The following EIF4A2 variants were observed in gnomAD, a reference collection of about 807,000 sequenced individuals.
The protein encoded by EIF4A2 is eukaryotic initiation factor 4A-II.
In EIF4A2, 9 loss-of-function variants were observed where a neutral mutation model predicts 50.6. That is an observed-to-expected ratio of 0.18 (90% confidence interval 0.11 to 0.31). The LOEUF is 0.31. Among genes scored for constraint, EIF4A2 ranks in the 10% least tolerant of loss-of-function variants. The pLI is 1.00. For synonymous variants in EIF4A2, 215 were observed against 164.4 expected (o/e 1.31, Z -2.35); for missense variants, 182 against 501.8 (o/e 0.36, Z 6.09).
chr3:186,787,998 G>C lies in EIF4A2; in HGVS notation c.1079+116G>C, dbSNP rs113874571. On this transcript the variant is annotated intron_variant, in intron 10 of 10. Coordinates refer to ENST00000323963, the MANE Select transcript of EIF4A2 (RefSeq NM_001967.4). ...GATTCAGTAAAGTCAGTAGTGTTCA[G>C]TAAGATGATGTAATTAAATTTGTAC... 1.1e-3 allele frequency: 1,194 copies of C among 1,073,762 alleles called. 9 individuals are homozygous for C. In the African/African-American group the frequency reaches 0.016, roughly 15 times the overall value. The allele number at this position is 1,073,762 out of a possible 1,614,324, so 66.5% of individuals were successfully genotyped here.
chr3:186,788,813 T>C (rs879652734), intron 10 of EIF4A2: 1 of 293,920 alleles, frequency 3.4e-6, no homozygotes, highest in Non-Finnish European at 6.4e-6. Context: ...CACCTGCTCT[T>C]GGCTGGCCCA....
rs370219211 is a variant in EIF4A2 at position 186,783,599 on chromosome 3, G to A, written c.-12G>A. The A allele has an allele frequency of 2.5e-5, 40 of 1,614,054 alleles. No individual in the cohort carries two copies. Among genetic ancestry groups the A allele is most frequent in the African/African-American group, 1.9e-4 (14 of 74,914 alleles). On this transcript the variant is annotated 5_prime_UTR_variant, in exon 1 of 11. Transcript: ENST00000323963. ...TGTCTTTTCAGTCGGGCGCTGAGTGGTTTTTCGGATCATGTCTGGTGGCTC... is the reference window on the plus strand; with the variant it reads ...TGTCTTTTCAGTCGGGCGCTGAGTGATTTTTCGGATCATGTCTGGTGGCTC...
At chr3:186,788,282 G>A (rs769940523) in intron 10 of EIF4A2, 593 of 1,289,902 alleles carry the variant, frequency 4.6e-4, no homozygotes, top group Non-Finnish European at 5.8e-4. Context: ...GTTATATGAT[G>A]TAAAAAAAGA....
chr3:186,788,552 C>T, intron 10 of EIF4A2: 1 of 662,160 alleles, frequency 1.5e-6, no homozygotes, highest in Non-Finnish European at 2.1e-6. Context: ...TGGTTTCTAA[C>T]ATGCAGGTAG....
chr3:186,784,918 C>G (rs565320884), intron 3 of EIF4A2, 44 bp from the exon 4 acceptor site: 4 of 1,613,758 alleles, frequency 2.5e-6, no homozygotes, highest in Non-Finnish European at 2.5e-6. Context: ...GTAGAAGTGA[C>G]AATTTGATGT....
intron 7 of EIF4A2, 167 bp downstream of exon 7, chr3:186,786,812 A>G (rs200165234): frequency 3.0e-5 from 29 of 961,234 alleles, no homozygotes; most frequent in Non-Finnish European, 1.5e-5. Context: ...CCTCTTTCTT[A>G]ATGTCCAATG....
chr3:186,784,089 G>A (rs1431939015), intron 1 of EIF4A2: 3 of 471,488 alleles, frequency 6.4e-6, no homozygotes, highest in Admixed American at 3.7e-5. Flanking sequence ...CAGGACCGGT[G>A]CCGGTGAACC....
intron 3 of EIF4A2, 61 bp from the exon 4 acceptor site, chr3:186,784,901 G>T: frequency 6.2e-7 from 1 of 1,613,252 alleles, no homozygotes; most frequent in Non-Finnish European, 8.5e-7. Flanking sequence ...GGAATACATG[G>T]TGTGAAGTAG....
chr3:186,784,243 G>A (rs1012300312), intron 1 of EIF4A2, 189 bp from the exon 2 acceptor site: 10 of 789,606 alleles, frequency 1.3e-5, no homozygotes, highest in East Asian at 5.4e-5. Flanking sequence ...CTGGGGGGCT[G>A]CCTTTCCGGG....
In EIF4A2 at chr3:186,787,786, A is replaced by G. The variant is rs1183841349; in HGVS notation, c.1000-17A>G. On this transcript the variant is annotated splice_polypyrimidine_tract_variant and intron_variant, in intron 9 of 10. Transcript: ENST00000323963. Reference sequence around the variant, plus strand: ...GTTTTTTTGAATCAATTTTTAAAACATGCCATTGTGTTTCAGGCTCGCGGG... The same window carrying G: ...GTTTTTTTGAATCAATTTTTAAAACGTGCCATTGTGTTTCAGGCTCGCGGG... 1.2e-6 allele frequency: 2 copies of G among 1,613,906 alleles called. No individual in the cohort carries two copies. Among genetic ancestry groups the G allele is most frequent in the Middle Eastern group, 1.6e-4 (1 of 6,084 alleles).
Position 186,787,909 on chromosome 3 carries a change from T to C in EIF4A2, c.1079+27T>C, listed in dbSNP as rs757669356. The C allele has an allele frequency of 3.7e-6, 6 of 1,608,830 alleles. No individual in the cohort carries two copies. In the Admixed American group the frequency reaches 6.8e-5, roughly 18 times the overall value. ...TGAGAAGCCAGCATCTTGGCTGTAT[T>C]GAAAAAAATTCATACGTTTTTCTAC... On this transcript the variant is annotated intron_variant, in intron 10 of 10. Coordinates refer to ENST00000323963, the MANE Select transcript of EIF4A2 (RefSeq NM_001967.4).
intron 10 of EIF4A2, chr3:186,788,240 G>T (rs1244836099): frequency 5.7e-6 from 7 of 1,236,076 alleles, no homozygotes; most frequent in Non-Finnish European, 6.4e-6. Context: ...AGTTATAGTG[G>T]CTTTATCCCT....
At chr3:186,786,747 C>G in intron 7 of EIF4A2, 102 bp downstream of exon 7, 1 of 1,469,306 alleles carries the variant, frequency 6.8e-7, no homozygotes, top group Non-Finnish European at 9.5e-7. Context: ...ATAATGCTAG[C>G]AGAGTACACA....
intron 7 of EIF4A2, 38 bp from the exon 8 acceptor site, chr3:186,787,089 A>C (rs1721773975): frequency 1.2e-6 from 2 of 1,610,294 alleles, no homozygotes; most frequent in Non-Finnish European, 1.7e-6. Flanking sequence ...AGTTGGAAAA[A>C]CTAAATGACT....
chr3:186,789,121 A>G lies in EIF4A2; in HGVS notation c.1080-4A>G. ...GTAACGTTCTGATTCTTTTTCTTAC[A>G]CAGAATTGGCAGAGGGGGTCGATTT... On this transcript the variant is annotated splice_region_variant and splice_polypyrimidine_tract_variant and intron_variant, in intron 10 of 10. Transcript: ENST00000323963. 1 of 1,611,688 alleles carries G rather than the reference A, an allele frequency of 6.2e-7. No individual in the cohort carries two copies. The highest frequency in any genetic ancestry group is 1.1e-5 in the South Asian group (1 of 90,810).
chr3:186,788,526 G>A (rs1281874957), intron 10 of EIF4A2: 2 of 965,792 alleles, frequency 2.1e-6, no homozygotes, highest in Non-Finnish European at 2.7e-6. Flanking sequence ...TTTCTTATTA[G>A]GTGGTTTGTA....
chr3:186,789,016 C>G (rs1041538008), intron 10 of EIF4A2, 109 bp from the exon 11 acceptor site: 2 of 1,462,322 alleles, frequency 1.4e-6, no homozygotes, highest in Admixed American at 4.7e-5. Flanking sequence ...GAAGCACGAA[C>G]TATAACCTTG....
At chr3:186,788,537 T>C (rs2108462347) in intron 10 of EIF4A2, 1 of 846,204 alleles carries the variant, frequency 1.2e-6, no homozygotes, top group African/African-American at 1.8e-5. Context: ...GTGGTTTGTA[T>C]TGTCTGGTTT....
In EIF4A2 at chr3:186,789,444, T is replaced by A; in HGVS notation, c.*175T>A. On this transcript the variant is annotated 3_prime_UTR_variant, in exon 11 of 11. Coordinates refer to ENST00000323963, the MANE Select transcript of EIF4A2 (RefSeq NM_001967.4). Reference sequence around the variant, plus strand: ...TAGTCGTGAGCTCTTGTGAGGAAAGTCATTGGCTTTATCCTCTTTAGAGTT... The same window carrying A: ...TAGTCGTGAGCTCTTGTGAGGAAAGACATTGGCTTTATCCTCTTTAGAGTT... 1.2e-6 allele frequency: 1 copy of A among 835,060 alleles called. No homozygotes were observed. Among genetic ancestry groups the A allele is most frequent in the South Asian group, 2.3e-5 (1 of 43,442 alleles). The allele number at this position is 835,060 out of a possible 1,614,324, so 51.7% of individuals were successfully genotyped here. A position where few individuals can be genotyped will look rare whatever the true frequency, so the allele number is the denominator to read the frequency against.
Sources: gnomAD v4.1 joint callset for allele counts on GRCh38, gnomAD v4.1.1 for gene constraint, MANE v1.5 for transcripts, NCBI Gene and HGNC (gene_info 2026-07-23, HGNC 2026-07-21) for gene names.